The following KIF26B variants were observed in gnomAD, a reference collection of about 807,000 sequenced individuals.
The protein encoded by KIF26B is kinesin-like protein KIF26B.
Under a neutral mutation model 151.2 loss-of-function variants are expected in KIF26B, and 63 were observed. That is an observed-to-expected ratio of 0.42 (90% confidence interval 0.34 to 0.51). The LOEUF (loss-of-function observed/expected upper bound fraction) is 0.51. Among genes scored for constraint, KIF26B ranks in the 20% least tolerant of loss-of-function variants. The probability of loss-of-function intolerance (pLI) is 0.07; values close to 1 mark genes in which losing one functional copy is unlikely to be tolerated. For missense variants in KIF26B, 2,813 were observed against 2,913.6 expected (o/e 0.97, Z 0.79); for synonymous variants, 1,357 against 1,262.1 (o/e 1.08, Z -1.59).
intron 2 of KIF26B, among the ~76,000 whole-genome samples, chr1:245,305,933 C>A (rs1412363657): frequency 1.2e-5 from 1 of 86,650 alleles, no homozygotes; most frequent in African/African-American, 5.1e-5. Flanking sequence ...CGAGACGACT[C>A]CTCAAAAAAA....
At chr1:245,325,094 C>CAAAAAAAAAAAAAAA (rs57433161) in intron 2 of KIF26B, among the ~76,000 whole-genome samples, 3 of 96,568 alleles carry the variant, frequency 3.1e-5, no homozygotes, top group Non-Finnish European at 4.7e-5. Context: ...GACCTTGTCT[C>CAAAAAAAAAAAAAAA]AAAAAAAAAA....
chr1:245,688,035 G>A lies in KIF26B; in HGVS notation c.5052G>A (p.Arg1684=), dbSNP rs775025424. 21 of 1,556,830 alleles carry A rather than the reference G, an allele frequency of 1.3e-5. No homozygotes were observed. In the Admixed American group the frequency reaches 3.7e-4, roughly 27 times the overall value. ...VSHYECLSLE[R]AESLSSVSSR... ...ACTACGAATGCCTCTCCCTGGAGCG[G>A]GCCGAGAGCCTGTCCTCCGTGAGCT... Residue 1684 remains arginine, a synonymous_variant, in exon 12 of 15, where the codon CGG becomes CGA. Transcript: ENST00000407071.
Position 245,343,087 on chromosome 1 carries a change from A to AAC in KIF26B, c.466-23746_466-23745insCA, listed in dbSNP as rs1438507417. On this transcript the variant is annotated intron_variant, in intron 2 of 14. Coordinates refer to ENST00000407071, the MANE Select transcript of KIF26B (RefSeq NM_018012.4). ...GGCAACAGAGCGAGACTCCATCTCA[A>AAC]AAAAAAAAAAAAAGAATTTAGATTA... 1.1e-4 allele frequency among the ~76,000 whole-genome samples: 17 copies of AAC among 150,584 alleles called. No individual in the cohort carries two copies. In the East Asian group the frequency reaches 3.3e-3, roughly 29 times the overall value.
chr1:245,374,901 C>T (rs1202326252), intron 3 of KIF26B, among the ~76,000 whole-genome samples: 1 of 152,054 alleles, frequency 6.6e-6, no homozygotes, highest in African/African-American at 2.4e-5. Flanking sequence ...ACCCAGACTT[C>T]ACTAGGAAAC....
At chr1:245,335,113 G>C (rs1206481446) in intron 2 of KIF26B, among the ~76,000 whole-genome samples, 1 of 152,150 alleles carries the variant, frequency 6.6e-6, no homozygotes, top group Non-Finnish European at 1.5e-5. Flanking sequence ...TGCCCTGCTT[G>C]TGTCTGGGGA....
intron 10 of KIF26B, among the ~76,000 whole-genome samples, chr1:245,672,367 A>C (rs911089941): frequency 1.3e-5 from 2 of 152,230 alleles, no homozygotes; most frequent in South Asian, 2.1e-4. Context: ...GCCACGGCAC[A>C]GGGACAGACG....
At chr1:245,409,813 C>T (rs1046596780) in intron 3 of KIF26B, among the ~76,000 whole-genome samples, 3 of 152,134 alleles carry the variant, frequency 2.0e-5, no homozygotes, top group Non-Finnish European at 4.4e-5. Context: ...ACATGAACTG[C>T]GAGGACTAGG....
chr1:245,615,748 G>A (rs573602861), intron 9 of KIF26B, among the ~76,000 whole-genome samples: 8 of 152,340 alleles, frequency 5.3e-5, no homozygotes, highest in East Asian at 1.9e-4. Context: ...GGGGTCGTGC[G>A]ATCGGCAGAC....
At chr1:245,418,618 T>C (rs1176796248) in intron 3 of KIF26B, among the ~76,000 whole-genome samples, 2 of 152,248 alleles carry the variant, frequency 1.3e-5, no homozygotes, top group Non-Finnish European at 2.9e-5. Flanking sequence ...GGAAACATTT[T>C]CCACTTAGCA....
At chr1:245,287,411 G>GT (rs1421320994) in intron 2 of KIF26B, among the ~76,000 whole-genome samples, 7 of 149,016 alleles carry the variant, frequency 4.7e-5, no homozygotes, top group Non-Finnish European at 1.0e-4. Flanking sequence ...ATATAAATGC[G>GT]TTTTTTTCTT....
At chr1:245,592,560 T>C (rs972543874) in intron 5 of KIF26B, among the ~76,000 whole-genome samples, 1 of 152,200 alleles carries the variant, frequency 6.6e-6, no homozygotes, top group Non-Finnish European at 1.5e-5. Flanking sequence ...AAAGAAGTTG[T>C]GGTGGTGTTG....
chr1:245,482,698 C>T (rs911030896), intron 4 of KIF26B, among the ~76,000 whole-genome samples: 2 of 151,774 alleles, frequency 1.3e-5, no homozygotes, highest in Non-Finnish European at 3.0e-5. Flanking sequence ...TGTGGAGGTT[C>T]GATGAATACA....
At chr1:245,533,068 T>C (rs562519527) in intron 4 of KIF26B, among the ~76,000 whole-genome samples, 9 of 152,248 alleles carry the variant, frequency 5.9e-5, no homozygotes, top group South Asian at 2.1e-4. Context: ...ATCTGTTTTA[T>C]TACCTTCTCC....
Position 245,367,060 on chromosome 1 carries a change from T to C in KIF26B, c.692T>C (p.Val231Ala). Residue 231 changes from valine (V) to alanine (A), a missense_variant, in exon 3 of 15, where the codon GTG becomes GCG. By Grantham distance (64) the Val-to-Ala change is moderately conservative. Transcript: ENST00000407071. The surrounding 1 kb of genome is among the most constrained non-coding windows in gnomAD (Gnocchi z 4.2). ...CCGCTCTCCAACATCCCCACCCTGGTGGGGTCCCGGCACGTGGGTGGGCTC... is the reference window on the plus strand; with the variant it reads ...CCGCTCTCCAACATCCCCACCCTGGCGGGGTCCCGGCACGTGGGTGGGCTC... ...PPPLSNIPTL[V>A]GSRHVGGLQQ... is the part of the protein sequence containing the mutation. The C allele has an allele frequency of 6.2e-7, 1 of 1,606,636 alleles. No homozygotes were observed. Among genetic ancestry groups the C allele is most frequent in the Non-Finnish European group, 8.5e-7 (1 of 1,176,652 alleles).
chr1:245,697,002 T>C (rs2044703924), intron 12 of KIF26B, among the ~76,000 whole-genome samples: 1 of 152,120 alleles, frequency 6.6e-6, no homozygotes, highest in South Asian at 2.1e-4. Flanking sequence ...TCCCAGCTAC[T>C]TGGGAGGCTG....
intron 4 of KIF26B, among the ~76,000 whole-genome samples, chr1:245,531,045 G>A (rs1266948707): frequency 1.3e-5 from 2 of 152,130 alleles, no homozygotes; most frequent in Non-Finnish European, 2.9e-5. Context: ...GGTAGTAGTT[G>A]TTATAATTTC....
At chr1:245,538,296 G>A (rs954249255) in intron 4 of KIF26B, among the ~76,000 whole-genome samples, 52 of 152,220 alleles carry the variant, frequency 3.4e-4, no homozygotes, top group African/African-American at 1.1e-3. Context: ...TGAGTTTTGC[G>A]GCCAAGATGG....
intron 4 of KIF26B, among the ~76,000 whole-genome samples, chr1:245,527,376 T>C (rs1661259559): frequency 6.6e-6 from 1 of 152,098 alleles, no homozygotes; most frequent in African/African-American, 2.4e-5. Context: ...TCTGTCTATA[T>C]TTATAGGCAA....
chr1:245,456,536 T>C (rs1255223470), intron 4 of KIF26B, among the ~76,000 whole-genome samples: 1 of 152,230 alleles, frequency 6.6e-6, no homozygotes, highest in Non-Finnish European at 1.5e-5. Flanking sequence ...TAAAAGTTGT[T>C]TCCTTTTCTT....
Sources: allele counts gnomAD v4.1 joint callset (sites outside exome capture counted in the v4.1 genomes callset), GRCh38; gene constraint gnomAD v4.1.1; non-coding constraint Gnocchi (gnomAD v3.1); transcripts MANE v1.5; gene names NCBI Gene and HGNC (gene_info 2026-07-23, HGNC 2026-07-21).